The following ABCB5 variants were observed in gnomAD, a reference collection of about 807,000 sequenced individuals.
ABCB5 encodes the protein ATP binding cassette subfamily B member 5.
ABCB5 carries 155 observed loss-of-function variants against 144.2 expected under a neutral mutation model. The ratio of observed to expected loss-of-function variants is 1.08; its 90% CI spans 0.94 to 1.23. The LOEUF (loss-of-function observed/expected upper bound fraction) is 1.23. Ranked by LOEUF, ABCB5 falls within the 50% of genes most tolerant of loss-of-function variation. The pLI is 0.00. For missense variants in ABCB5, 1,830 were observed against 1,520.8 expected (o/e 1.20, Z -3.38); for synonymous variants, 610 against 528.6 (o/e 1.15, Z -2.11).
At position 20,736,985 on chromosome 7, in the gene ABCB5, C is replaced by T. The variant is rs1362097894; in HGVS notation, c.2868-1998C>T. 3.9e-5 allele frequency among the ~76,000 whole-genome samples: 6 copies of T among 152,198 alleles called. No homozygotes were observed. In the South Asian group the frequency reaches 1.2e-3, roughly 32 times the overall value. On this transcript the variant is annotated intron_variant, in intron 23 of 27. Coordinates refer to ENST00000404938, the MANE Select transcript of ABCB5 (RefSeq NM_001163941.2). Reference sequence around the variant, plus strand: ...CAGGCGGATCACTAGGTCAGCAGTTCGAGACCAGCCTGGTCAACACAAAAA... The same window carrying T: ...CAGGCGGATCACTAGGTCAGCAGTTTGAGACCAGCCTGGTCAACACAAAAA...
chr7:20,681,405 G>A, intron 14 of ABCB5, 100 bp from the exon 15 acceptor site: 3 of 1,355,746 alleles, frequency 2.2e-6, no homozygotes, highest in Non-Finnish European at 3.0e-6. Flanking sequence ...GGAATTACAG[G>A]CATGAGCCAC....
At chr7:20,728,652 G>A (rs1286192976) in intron 23 of ABCB5, among the ~76,000 whole-genome samples, 197 bp downstream of exon 23, 2 of 152,218 alleles carry the variant, frequency 1.3e-5, no homozygotes. Flanking sequence ...TACTCAGGAG[G>A]CTGAGGCAGG....
Position 20,645,826 on chromosome 7 carries a change from T to G in ABCB5, c.749T>G (p.Leu250Trp). The change falls in exon 8 of 28, where the codon TTG becomes TGG. Residue 250 changes from leucine (L) to tryptophan (W), a missense_variant. Transcript: ENST00000404938. ...SKAGAVAEEV[L>W]SSIRTVIAFR... is the part of the protein sequence containing the mutation. Reference sequence around the variant, plus strand: ...GCTGGGGCTGTGGCAGAAGAAGTCTTGTCATCAATCCGAACAGTCATAGCC... The same window carrying G: ...GCTGGGGCTGTGGCAGAAGAAGTCTGGTCATCAATCCGAACAGTCATAGCC... 2 of 1,613,880 alleles carry G rather than the reference T, an allele frequency of 1.2e-6. No homozygotes were observed. The highest frequency in any genetic ancestry group is 1.1e-5 in the South Asian group (1 of 91,086).
intron 5 of ABCB5, among the ~76,000 whole-genome samples, chr7:20,637,349 A>G (rs141403213): frequency 6.6e-6 from 1 of 152,210 alleles, no homozygotes; most frequent in Admixed American, 6.5e-5. Context: ...GACTGAAATG[A>G]CTAAATAGTG....
At position 20,661,692 on chromosome 7, in the gene ABCB5, G is replaced by A. The variant is rs374584670; in HGVS notation, c.1707+3016G>A. Among the ~76,000 whole-genome samples the A allele has an allele frequency of 1.1e-3, 174 of 151,612 alleles. 2 individuals are homozygous for A. Among genetic ancestry groups the A allele is most frequent in the Middle Eastern group, 0.01 (3 of 294 alleles). On this transcript the variant is annotated intron_variant, in intron 14 of 27. Transcript: ENST00000404938. ...TGGGATTACAGGCACGCACCACCAC[G>A]CCCAGCTAATTTTTGTATTTTTAGT...
chr7:20,657,370 T>C (rs955742042), intron 13 of ABCB5, among the ~76,000 whole-genome samples: 3 of 152,254 alleles, frequency 2.0e-5, no homozygotes, highest in African/African-American at 7.2e-5. Context: ...TTGTGTTTTC[T>C]TGTGTGTTGT....
chr7:20,648,848 C>G (rs1784493126), intron 11 of ABCB5, among the ~76,000 whole-genome samples: 1 of 152,122 alleles, frequency 6.6e-6, no homozygotes, highest in Admixed American at 6.5e-5. Context: ...CTTTTCAAAG[C>G]TCTTTAGTTT....
intron 26 of ABCB5, among the ~76,000 whole-genome samples, chr7:20,747,506 A>G (rs1782766754): frequency 6.6e-6 from 1 of 152,102 alleles, no homozygotes; most frequent in African/African-American, 2.4e-5. Context: ...AATTTCACCC[A>G]CCTCGGTCTC....
chr7:20,684,288 A>C (rs1785920167), intron 15 of ABCB5, among the ~76,000 whole-genome samples: 1 of 152,220 alleles, frequency 6.6e-6, no homozygotes, highest in South Asian at 2.1e-4. Context: ...ACATGTAGAG[A>C]TATACACATA....
intron 20 of ABCB5, among the ~76,000 whole-genome samples, chr7:20,707,528 G>A (rs936928916): frequency 2.0e-5 from 3 of 152,106 alleles, no homozygotes; most frequent in Non-Finnish European, 4.4e-5. Context: ...AAAATTACAA[G>A]GTATTATTTC....
chr7:20,647,006 G>A (rs1353586518), intron 9 of ABCB5, among the ~76,000 whole-genome samples: 1 of 152,188 alleles, frequency 6.6e-6, no homozygotes, highest in Non-Finnish European at 1.5e-5. Flanking sequence ...CCTAGCTTGA[G>A]GGATTCTTTT....
chr7:20,712,853 A>C, intron 20 of ABCB5, among the ~76,000 whole-genome samples: 1 of 149,832 alleles, frequency 6.7e-6, no homozygotes, highest in East Asian at 2.0e-4. Flanking sequence ...GAAATGGATA[A>C]ATTAAGCTAT....
At position 20,630,392 on chromosome 7, in the gene ABCB5, C is replaced by CA. The variant is rs879753318; in HGVS notation, c.259+1565dup. ...TTTTCCAAAAAGCAAATCTTTAAAG[C>CA]AAAAAAAAAAATCTTTAAAGCAAAA... On this transcript the variant is annotated intron_variant, in intron 4 of 27. Coordinates refer to ENST00000404938, the MANE Select transcript of ABCB5 (RefSeq NM_001163941.2). 6.1e-3 allele frequency among the ~76,000 whole-genome samples: 852 copies of CA among 140,414 alleles called. 5 individuals are homozygous for CA. The highest frequency in any genetic ancestry group is 0.011 in the African/African-American group (412 of 38,366). 92.1% of individuals were successfully genotyped at this position (140,414 alleles called of 152,430 possible).
chr7:20,663,311 C>T (rs1295874045), intron 14 of ABCB5, among the ~76,000 whole-genome samples: 1 of 152,184 alleles, frequency 6.6e-6, no homozygotes, highest in Non-Finnish European at 1.5e-5. Flanking sequence ...ATAGTAGCAT[C>T]ATCTACAGTA....
At chr7:20,647,188 A>T in intron 9 of ABCB5, 1 of 727,780 alleles carries the variant, frequency 1.4e-6, no homozygotes, top group Non-Finnish European at 1.7e-6. Context: ...GGGGAGTGCA[A>T]CTCACCATGG....
rs563899308 is a variant in ABCB5 at position 20,671,270 on chromosome 7, A to C, written c.1708-10235A>C. Reference sequence around the variant, plus strand: ...TTCCTGCAGAACTTTAGAATGACCAACTGGGCTGCTGAATGTATTTGCTTC... The same window carrying C: ...TTCCTGCAGAACTTTAGAATGACCACCTGGGCTGCTGAATGTATTTGCTTC... On this transcript the variant is annotated intron_variant, in intron 14 of 27. Coordinates refer to ENST00000404938, the MANE Select transcript of ABCB5 (RefSeq NM_001163941.2). Among the ~76,000 whole-genome samples the C allele has an allele frequency of 3.9e-5, 6 of 152,356 alleles. No homozygotes were observed. In the East Asian group the frequency reaches 7.7e-4, roughly 20 times the overall value.
chr7:20,736,168 C>A (rs532340032), intron 23 of ABCB5, among the ~76,000 whole-genome samples: 383 of 152,204 alleles, frequency 2.5e-3, no homozygotes, highest in African/African-American at 8.6e-3. Flanking sequence ...ACCTGCCGTG[C>A]TAATCTATTG....
chr7:20,678,011 T>A (rs1785670719), intron 14 of ABCB5, among the ~76,000 whole-genome samples: 1 of 152,176 alleles, frequency 6.6e-6, no homozygotes, highest in African/African-American at 2.4e-5. Context: ...TTCTAAATCT[T>A]TCTTACTTTT....
chr7:20,622,907 T>A (rs1416530108), intron 1 of ABCB5, among the ~76,000 whole-genome samples: 5 of 152,110 alleles, frequency 3.3e-5, no homozygotes, highest in Admixed American at 2.0e-4. Context: ...TGAGATAGAT[T>A]AAAAATTTTC....
Sources: allele counts gnomAD v4.1 joint callset (sites outside exome capture counted in the v4.1 genomes callset), GRCh38; gene constraint gnomAD v4.1.1; transcripts MANE v1.5; gene names NCBI Gene and HGNC (gene_info 2026-07-23, HGNC 2026-07-21).